DPH6: variants seen among roughly 807,000 people sequenced by gnomAD.
DPH6 encodes diphthine--ammonia ligase.
Under a neutral mutation model 38.2 loss-of-function variants are expected in DPH6, and 33 were observed. That is an observed-to-expected ratio of 0.86 (90% confidence interval 0.65 to 1.15). The LOEUF is 1.15. Among genes scored for constraint, DPH6 ranks in the 50% most tolerant of loss-of-function variants. The pLI, the probability that DPH6 is intolerant of heterozygous loss-of-function variation, is 0.00. For synonymous variants in DPH6, 108 were observed against 103.0 expected (o/e 1.05, Z -0.30); for missense variants, 325 against 320.0 (o/e 1.02, Z -0.12).
chr15:35,261,494 T>C (rs1349154856), intron 3 of DPH6, among the ~76,000 whole-genome samples: 1 of 152,090 alleles, frequency 6.6e-6, no homozygotes, highest in Non-Finnish European at 1.5e-5. Context: ...GGTTAACCAA[T>C]GTTGATGTCT....
intron 3 of DPH6, among the ~76,000 whole-genome samples, chr15:35,506,070 T>C (rs2054690032): frequency 6.6e-6 from 1 of 152,158 alleles, no homozygotes; most frequent in Admixed American, 6.5e-5. Flanking sequence ...AATGAAACTT[T>C]GATTTGTTAA....
At chr15:35,505,704 T>G (rs1467896114) in intron 3 of DPH6, among the ~76,000 whole-genome samples, 1 of 152,040 alleles carries the variant, frequency 6.6e-6, no homozygotes, top group Non-Finnish European at 1.5e-5. Context: ...TACACCTAAG[T>G]CAGTCACCAG....
At chr15:35,494,418 A>G (rs1217483510) in intron 3 of DPH6, among the ~76,000 whole-genome samples, 1 of 152,114 alleles carries the variant, frequency 6.6e-6, no homozygotes, top group East Asian at 1.9e-4. Flanking sequence ...TATTAACTGA[A>G]AACAAATTAG....
downstream of DPH6, among the ~76,000 whole-genome samples, chr15:35,212,397 T>C (rs2051393266): frequency 2.6e-5 from 4 of 152,192 alleles, no homozygotes; most frequent in South Asian, 8.3e-4. Flanking sequence ...TCCAGGATTA[T>C]GGGTCTATGC....
chr15:35,446,551 C>G (rs1305104885), intron 5 of DPH6, among the ~76,000 whole-genome samples: 4 of 152,220 alleles, frequency 2.6e-5, no homozygotes, highest in African/African-American at 9.6e-5. Flanking sequence ...GTAACATTTT[C>G]TTTTCTCCAG....
intron 3 of DPH6, among the ~76,000 whole-genome samples, chr15:35,303,128 T>C (rs1280975161): frequency 1.3e-5 from 2 of 152,052 alleles, no homozygotes; most frequent in African/African-American, 4.8e-5. Context: ...AGAAAGTACA[T>C]TACATTGGAG....
the DPH6 span, among the ~76,000 whole-genome samples, chr15:35,186,445 T>C: frequency 1.3e-5 from 2 of 152,220 alleles, no homozygotes; most frequent in Non-Finnish European, 2.9e-5. Flanking sequence ...TTTTAAGGTG[T>C]AAGAGGGCTC....
chr15:35,515,929 C>T (rs560814062), intron 3 of DPH6, among the ~76,000 whole-genome samples: 4 of 151,952 alleles, frequency 2.6e-5, no homozygotes, highest in Non-Finnish European at 4.4e-5. Context: ...CTTGGTGATA[C>T]GTCCGTTTTG....
chr15:35,282,688 A>G, intron 3 of DPH6: 1 of 400,244 alleles, frequency 2.5e-6, no homozygotes. Context: ...AACTAGGTGC[A>G]ATTTACATTG....
chr15:35,298,963 G>A, intron 3 of DPH6: 3 of 771,220 alleles, frequency 3.9e-6, no homozygotes, highest in Admixed American at 1.8e-5. Context: ...CTCTTCTCTC[G>A]CTCCTAATCT....
At chr15:35,421,328 A>C (rs1372103680) in intron 5 of DPH6, among the ~76,000 whole-genome samples, 1 of 152,246 alleles carries the variant, frequency 6.6e-6, no homozygotes, top group Non-Finnish European at 1.5e-5. Context: ...CTATGAGCTG[A>C]TATTTTACTT....
intron 3 of DPH6, chr15:35,237,411 C>T (rs981683733): frequency 3.1e-6 from 5 of 1,605,058 alleles, no homozygotes; most frequent in East Asian, 2.2e-5. Flanking sequence ...AACAGTCGGT[C>T]GAATGAAGGC....
chr15:35,359,623 C>T (rs1391949695), intron 3 of DPH6, among the ~76,000 whole-genome samples: 1 of 152,128 alleles, frequency 6.6e-6, no homozygotes, highest in Non-Finnish European at 1.5e-5. Flanking sequence ...GGAAACTTCT[C>T]CCATAAACAG....
intron 3 of DPH6, among the ~76,000 whole-genome samples, chr15:35,318,371 C>G (rs1399676805): frequency 6.6e-6 from 1 of 151,968 alleles, no homozygotes; most frequent in African/African-American, 2.4e-5. Context: ...AATGAGAAAA[C>G]AAATCCATAC....
chr15:35,532,681 A>C (rs1329898706), intron 3 of DPH6, among the ~76,000 whole-genome samples: 1 of 152,198 alleles, frequency 6.6e-6, no homozygotes, highest in Non-Finnish European at 1.5e-5. Flanking sequence ...TGGAAATATC[A>C]TGAGCAACTG....
At chr15:35,333,467 C>T (rs1183511991) in intron 3 of DPH6, among the ~76,000 whole-genome samples, 1 of 152,032 alleles carries the variant, frequency 6.6e-6, no homozygotes, top group Non-Finnish European at 1.5e-5. Context: ...GATCATGCAA[C>T]GTCAGGCCAT....
At chr15:35,237,179 G>A in intron 3 of DPH6, 1 of 637,944 alleles carries the variant, frequency 1.6e-6, no homozygotes, top group South Asian at 1.9e-5. Flanking sequence ...AGCATTAAAA[G>A]AATGACCATT....
intron 3 of DPH6, among the ~76,000 whole-genome samples, chr15:35,491,393 G>C (rs2054475764): frequency 6.6e-6 from 1 of 152,010 alleles, no homozygotes; most frequent in African/African-American, 2.4e-5. Context: ...AATGGAGACT[G>C]TTAGTGAAAT....
At chr15:35,442,939 C>A (rs768729911) in intron 5 of DPH6, among the ~76,000 whole-genome samples, 7 of 152,146 alleles carry the variant, frequency 4.6e-5, no homozygotes, top group Non-Finnish European at 8.8e-5. Context: ...TTGGGGAACA[C>A]AAATTCTAAA....
Sources: allele counts gnomAD v4.1 joint callset (sites outside exome capture counted in the v4.1 genomes callset), GRCh38; gene constraint gnomAD v4.1.1; transcripts MANE v1.5; gene names NCBI Gene and HGNC (gene_info 2026-07-23, HGNC 2026-07-21).